Variants in RGS6 observed in about 807,000 individuals in gnomAD.
RGS6 encodes the protein regulator of G protein signaling 6.
RGS6 carries 30 observed loss-of-function variants against 78.5 expected under a neutral mutation model. The ratio of observed to expected loss-of-function variants is 0.38; its 90% CI spans 0.29 to 0.52. The LOEUF (loss-of-function observed/expected upper bound fraction) is 0.52, where lower values mean the gene tolerates loss of function less well. RGS6 is among the 20% of genes least tolerant of loss of function. The pLI is 0.85. For synonymous variants in RGS6, 206 were observed against 206.0 expected (o/e 1.00, Z 0.00); for missense variants, 495 against 609.7 (o/e 0.81, Z 1.98).
chr14:72,011,769 G>T (rs2085794590), intron 2 of RGS6, among the ~76,000 whole-genome samples: 2 of 152,036 alleles, frequency 1.3e-5, no homozygotes, highest in African/African-American at 2.4e-5. Flanking sequence ...TGCAGATTTT[G>T]GTATCCTCTG....
intron 3 of RGS6, among the ~76,000 whole-genome samples, chr14:72,417,271 A>G (rs185874487): frequency 1.3e-5 from 2 of 152,348 alleles, no homozygotes; most frequent in Admixed American, 1.3e-4. Context: ...TGTCAACTGA[A>G]TGACTGCAAA....
intron 1 of RGS6, among the ~76,000 whole-genome samples, chr14:71,955,658 C>T (rs1437567854): frequency 6.6e-6 from 1 of 152,120 alleles, no homozygotes; most frequent in African/African-American, 2.4e-5. Flanking sequence ...GTGAGGACAA[C>T]CAGAGGTCAC....
intron 2 of RGS6, among the ~76,000 whole-genome samples, chr14:72,052,177 C>G (rs2093288270): frequency 6.6e-6 from 1 of 152,088 alleles, no homozygotes; most frequent in Non-Finnish European, 1.5e-5. Flanking sequence ...TCTTGTTTAT[C>G]CCCCCAAAAA....
intron 2 of RGS6, among the ~76,000 whole-genome samples, chr14:72,344,849 G>A (rs541301022): frequency 6.6e-6 from 1 of 152,304 alleles, no homozygotes. Context: ...GTATCATATA[G>A]GCTGCAGTGT....
At chr14:71,994,531 C>T (rs745764509) in intron 2 of RGS6, among the ~76,000 whole-genome samples, 1 of 151,950 alleles carries the variant, frequency 6.6e-6, no homozygotes, top group East Asian at 1.9e-4. Context: ...AATTGTGTCC[C>T]CCTCCACCCA....
At chr14:72,321,801 A>G (rs139446419) in intron 2 of RGS6, among the ~76,000 whole-genome samples, 2 of 152,090 alleles carry the variant, frequency 1.3e-5, no homozygotes, top group African/African-American at 2.4e-5. Context: ...CCTAAATAAC[A>G]TAAGTAAGTA....
chr14:72,277,524 G>T (rs1408224016), intron 2 of RGS6, among the ~76,000 whole-genome samples: 1 of 151,910 alleles, frequency 6.6e-6, no homozygotes, highest in East Asian at 1.9e-4. Context: ...TTGAACTAGG[G>T]CATCAAAAGT....
the RGS6 span, among the ~76,000 whole-genome samples, chr14:71,922,689 A>G: frequency 6.6e-6 from 1 of 152,210 alleles, no homozygotes; most frequent in Middle Eastern, 3.2e-3. Flanking sequence ...GCATTTAGTT[A>G]TCATATCTCC....
At chr14:72,360,272 A>G (rs2081192571) in intron 3 of RGS6, among the ~76,000 whole-genome samples, 1 of 152,110 alleles carries the variant, frequency 6.6e-6, no homozygotes, top group African/African-American at 2.4e-5. Context: ...CTCTAATCCC[A>G]GCACTTTGGG....
At chr14:72,087,013 G>A (rs2095068344) in intron 2 of RGS6, among the ~76,000 whole-genome samples, 1 of 152,122 alleles carries the variant, frequency 6.6e-6, no homozygotes, top group African/African-American at 2.4e-5. Flanking sequence ...TTATTACTAT[G>A]TGTTCTTAGG....
Position 72,216,462 on chromosome 14 carries a change from C to T in RGS6, c.85-135633C>T, listed in dbSNP as rs183939804. On this transcript the variant is annotated intron_variant, in intron 2 of 17. Coordinates refer to ENST00000553525, the MANE Select transcript of RGS6 (RefSeq NM_001204424.2). ...CGCACCAACACGAGGAATTATCAGT[C>T]TTGTTACTAAGAGGACAGAGGAATC... 5.9e-5 allele frequency among the ~76,000 whole-genome samples: 9 copies of T among 152,290 alleles called. No individual in the cohort carries two copies. The East Asian group carries it at 1.7e-3, about 29-fold the overall frequency.
At chr14:72,098,629 T>C (rs1326256759) in intron 2 of RGS6, among the ~76,000 whole-genome samples, 1 of 152,242 alleles carries the variant, frequency 6.6e-6, no homozygotes. Flanking sequence ...CAGGAGACTG[T>C]ACATAAAAAT....
At chr14:72,583,036 C>G in the RGS6 span, among the ~76,000 whole-genome samples, 2 of 152,062 alleles carry the variant, frequency 1.3e-5, no homozygotes, top group Non-Finnish European at 2.9e-5. Context: ...AGAGGAAGAG[C>G]AAATTCATTC....
chr14:72,255,733 C>T (rs1268201077), intron 2 of RGS6, among the ~76,000 whole-genome samples: 1 of 152,116 alleles, frequency 6.6e-6, no homozygotes, highest in African/African-American at 2.4e-5. Flanking sequence ...AAAGAAAATA[C>T]CATTTACTTT....
chr14:72,079,896 G>A lies in RGS6; in HGVS notation c.84+115021G>A, dbSNP rs1474039544. On this transcript the variant is annotated intron_variant, in intron 2 of 17. Transcript: ENST00000553525. ...CTTTTTTAAGGCTGAGTAGTATTCT[G>A]TTGTATACACATACCACATTTCCTT... Among the ~76,000 whole-genome samples, 8 of 152,162 alleles carry A rather than the reference G, an allele frequency of 5.3e-5. No individual in the cohort carries two copies. In the East Asian group the frequency reaches 1.2e-3, roughly 22 times the overall value.
chr14:71,975,230 C>T (rs1031200196), intron 2 of RGS6, among the ~76,000 whole-genome samples: 2 of 152,126 alleles, frequency 1.3e-5, no homozygotes, highest in Admixed American at 6.5e-5. Flanking sequence ...TCTAGATTGT[C>T]GGTTATTTTA....
rs193028301 is a variant in RGS6, at chr14:72,196,853, C to T, written c.85-155242C>T. On this transcript the variant is annotated intron_variant, in intron 2 of 17. Coordinates refer to ENST00000553525, the MANE Select transcript of RGS6 (RefSeq NM_001204424.2). Reference sequence around the variant, plus strand: ...GAGCATTCCCCAAGGCTGATGTAGCCGCTTCATGCTAAGTGTTGATGGGAA... The same window carrying T: ...GAGCATTCCCCAAGGCTGATGTAGCTGCTTCATGCTAAGTGTTGATGGGAA... 1.1e-4 allele frequency among the ~76,000 whole-genome samples: 17 copies of T among 152,260 alleles called. No homozygotes were observed. In the East Asian group the frequency reaches 2.1e-3, roughly 19 times the overall value.
chr14:72,160,353 C>T (rs1395446756), intron 2 of RGS6, among the ~76,000 whole-genome samples: 8 of 152,134 alleles, frequency 5.3e-5, no homozygotes, highest in Non-Finnish European at 1.2e-4. Flanking sequence ...GTAAAAAAGT[C>T]ATCAAATGTC....
At chr14:71,987,002 C>A (rs1161459335) in intron 2 of RGS6, among the ~76,000 whole-genome samples, 1 of 152,162 alleles carries the variant, frequency 6.6e-6, no homozygotes, top group Non-Finnish European at 1.5e-5. Flanking sequence ...AGGGGTACCT[C>A]CCCATCTCAG....
Sources: allele counts gnomAD v4.1 joint callset (sites outside exome capture counted in the v4.1 genomes callset), GRCh38; gene constraint gnomAD v4.1.1; transcripts MANE v1.5; gene names NCBI Gene and HGNC (gene_info 2026-07-23, HGNC 2026-07-21).